The following RPL3 variants were observed in gnomAD, a reference collection of about 807,000 sequenced individuals.
The protein encoded by RPL3 is large ribosomal subunit protein uL3.
RPL3 carries 3 observed loss-of-function variants against 46.0 expected under a neutral mutation model. The ratio of observed to expected loss-of-function variants is 0.07; its 90% CI spans 0.03 to 0.17. RPL3 has a LOEUF of 0.17. Among genes scored for constraint, RPL3 ranks in the 10% least tolerant of loss-of-function variants. RPL3 has a pLI of 1.00. For synonymous variants in RPL3, 224 were observed against 190.8 expected (o/e 1.17, Z -1.43); for missense variants, 387 against 532.7 (o/e 0.73, Z 2.69).
rs764713284 is a variant in RPL3 at position 39,313,712 on chromosome 22, A to G, written c.969T>C (p.Tyr323=). Residue 323 remains tyrosine (Y), a synonymous_variant, in exon 8 of 10, where the codon TAT becomes TAC. Coordinates refer to ENST00000216146, the MANE Select transcript of RPL3 (RefSeq NM_000967.4). ...TGACAAAGTCATTGGTCACTTCACC[A>G]TAGTGGACAAAGCCACCCTGGAAAA... is the stretch of plus-strand genomic sequence containing the variant. The part of the protein sequence containing the change: ...SINPLGGFVH[Y]GEVTNDFVML... The G allele has an allele frequency of 6.2e-7, 1 of 1,614,084 alleles. No individual in the cohort carries two copies. Among genetic ancestry groups the G allele is most frequent in the Admixed American group, 1.7e-5 (1 of 60,038 alleles).
In RPL3 at chr22:39,316,731, A is replaced by C. The variant is rs751726139; in HGVS notation, c.476T>G (p.Val159Gly). The change falls in exon 4 of 10, where the codon GTC (valine) becomes GGC (glycine). Residue 159 changes from valine (V) to glycine (G), a missense_variant. By Grantham distance (109) the Val-to-Gly change is moderately radical. Coordinates refer to ENST00000216146, the MANE Select transcript of RPL3 (RefSeq NM_000967.4). ...CTGGGTGTGGGCAATGACACGGATGACTTGGCAGTACTTCTTCATGCTGCT... is the reference window on the plus strand; with the variant it reads ...CTGGGTGTGGGCAATGACACGGATGCCTTGGCAGTACTTCTTCATGCTGCT... ...DFSSMKKYCQ[V>G]IRVIAHTQMR... The C allele has an allele frequency of 1.2e-6, 2 of 1,612,668 alleles. No individual in the cohort carries two copies. The highest frequency in any genetic ancestry group is 1.7e-6 in the Non-Finnish European group (2 of 1,179,862).
At chr22:39,313,543 T>C in intron 8 of RPL3, 91 bp downstream of exon 8, 2 of 1,355,882 alleles carry the variant, frequency 1.5e-6, no homozygotes, top group East Asian at 2.3e-5. Context: ...CTCTCCTTCC[T>C]TTCCTCTCCC....
At chr22:39,318,896 G>C (rs1922870438) in intron 1 of RPL3, 2 of 461,576 alleles carry the variant, frequency 4.3e-6, no homozygotes, top group Non-Finnish European at 8.5e-6. Flanking sequence ...TTAACAGGCA[G>C]CTTTATATGC....
At chr22:39,314,301 G>T in intron 6 of RPL3, 93 bp from the exon 7 acceptor site, 1 of 1,087,192 alleles carries the variant, frequency 9.2e-7, no homozygotes, top group Non-Finnish European at 1.4e-6. Context: ...CTAGAAGGCA[G>T]CTGAGGCCTC....
intron 7 of RPL3, 85 bp from the exon 8 acceptor site, chr22:39,313,814 ACAGGGCTGTTCT>A: frequency 8.2e-7 from 1 of 1,225,336 alleles, no homozygotes; most frequent in Non-Finnish European, 1.2e-6. Flanking sequence ...CTCCCTGACC[ACAGGGCTGTTCT>A]CAGAAGGAAG....
At chr22:39,314,555 A>T in intron 6 of RPL3, 131 bp downstream of exon 6, 1 of 1,126,740 alleles carries the variant, frequency 8.9e-7, no homozygotes, top group South Asian at 1.5e-5. Context: ...ACTGACCATG[A>T]GAAGCAAGCC....
At chr22:39,314,435 C>G (rs1040414420) in intron 6 of RPL3, 6 of 626,138 alleles carry the variant, frequency 9.6e-6, no homozygotes, top group African/African-American at 9.2e-5. Context: ...TGTCACCCCC[C>G]TGGTGGTGGC....
In RPL3 at chr22:39,312,999, G is replaced by A. The variant is rs761554579; in HGVS notation, c.1168-15C>T. ...TTCAGTGGTCCCTGTGGGGAGAGAG[G>A]CAGTGGTCAGAGGTAGAAGATGACA... On this transcript the variant is annotated splice_polypyrimidine_tract_variant and intron_variant, in intron 9 of 9. Transcript: ENST00000216146. The A allele has an allele frequency of 2.5e-6, 4 of 1,614,038 alleles. No homozygotes were observed. The highest frequency in any genetic ancestry group is 3.4e-6 in the Non-Finnish European group (4 of 1,179,952).
chr22:39,315,638 T>A, intron 4 of RPL3, 83 bp from the exon 5 acceptor site: 1 of 1,523,474 alleles, frequency 6.6e-7, no homozygotes, highest in Non-Finnish European at 9.0e-7. Context: ...GCGGCCTGAT[T>A]GATGTCAAGC....
At position 39,317,506 on chromosome 22, in the gene RPL3, G is replaced by A. The variant is rs1454801137; in HGVS notation, c.320C>T (p.Ala107Val). The change falls in exon 3 of 10, where the codon GCT becomes GTT. Residue 107 changes from alanine (A) to valine (V), a missense_variant. Physicochemically the swap from Ala to Val is moderately conservative, Grantham distance 64. Coordinates refer to ENST00000216146, the MANE Select transcript of RPL3 (RefSeq NM_000967.4). The stretch of plus-strand genomic sequence containing the variant: ...CTTGCATTCATCACTGATGTGCTCA[G>A]CAAAGACAGTCTTGAAGGTCCGGAG... Reference protein sequence around the residue: ...RGLRTFKTVFAEHISDECKRR... With the variant: ...RGLRTFKTVFVEHISDECKRR... The A allele has an allele frequency of 8.7e-6, 14 of 1,613,958 alleles. No individual in the cohort carries two copies. Among genetic ancestry groups the A allele is most frequent in the Middle Eastern group, 1.7e-4 (1 of 6,054 alleles).
intron 4 of RPL3, among the ~76,000 whole-genome samples, chr22:39,316,334 T>C (rs1158585907): frequency 6.6e-6 from 1 of 151,918 alleles, no homozygotes; most frequent in Non-Finnish European, 1.5e-5. Context: ...TGCACTCTCA[T>C]CCGTGGTGGC....
At chr22:39,316,137 G>A (rs1485953528) in intron 4 of RPL3, among the ~76,000 whole-genome samples, 2 of 152,076 alleles carry the variant, frequency 1.3e-5, no homozygotes, top group African/African-American at 2.4e-5. Flanking sequence ...TACTCAGGAG[G>A]CTGAGGCAGG....
intron 2 of RPL3, 64 bp from the exon 3 acceptor site, chr22:39,317,693 G>A: frequency 6.3e-7 from 1 of 1,581,694 alleles, no homozygotes; most frequent in African/African-American, 1.4e-5. Flanking sequence ...ATGTTTTCTA[G>A]GAAAATGCAA....
At chr22:39,318,119 A>C (rs184694270) in intron 2 of RPL3, 5 of 434,432 alleles carry the variant, frequency 1.2e-5, no homozygotes, top group East Asian at 9.3e-5. Flanking sequence ...AACCCCCCAC[A>C]CTAGTGTTAA....
intron 4 of RPL3, 128 bp downstream of exon 4, chr22:39,316,578 A>G: frequency 8.3e-7 from 1 of 1,203,478 alleles, no homozygotes; most frequent in Non-Finnish European, 1.2e-6. Flanking sequence ...AAGGGCCAGT[A>G]AGGACACAGT....
At chr22:39,315,195 G>C (rs764694348) in intron 5 of RPL3, 174 bp downstream of exon 5, 12 of 1,009,852 alleles carry the variant, frequency 1.2e-5, no homozygotes, top group Non-Finnish European at 1.7e-5. Flanking sequence ...CGCTATCCCA[G>C]CCACTTCTGA....
At chr22:39,315,207 C>A in intron 5 of RPL3, 162 bp downstream of exon 5, 1 of 1,081,266 alleles carries the variant, frequency 9.2e-7, no homozygotes, top group Non-Finnish European at 1.4e-6. Context: ...CACTTCTGAC[C>A]ACAAGGCTGT....
chr22:39,313,501 T>G, intron 8 of RPL3, 133 bp downstream of exon 8: 1 of 1,251,740 alleles, frequency 8.0e-7, no homozygotes, highest in Non-Finnish European at 1.1e-6. Context: ...ATCTCAGGAC[T>G]TCAAAGCCAG....
Position 39,313,436 on chromosome 22 carries a change from G to C in RPL3, c.1048-126C>G, listed in dbSNP as rs906400749. 3 of 1,465,674 alleles carry C rather than the reference G, an allele frequency of 2.0e-6. No individual in the cohort carries two copies. The Admixed American group carries it at 5.6e-5, about 27-fold the overall frequency. 90.8% of individuals were successfully genotyped at this position (1,465,674 alleles called of 1,614,324 possible). On this transcript the variant is annotated intron_variant, in intron 8 of 9. Coordinates refer to ENST00000216146, the MANE Select transcript of RPL3 (RefSeq NM_000967.4). ...CAGCCTCCCCCACCATCCGGCAGATGAGGACACACTCAAAGCAGCAAACAG... is the reference window on the plus strand; with the variant it reads ...CAGCCTCCCCCACCATCCGGCAGATCAGGACACACTCAAAGCAGCAAACAG...
Sources: gnomAD v4.1 joint callset for allele counts (sites outside exome capture counted in the v4.1 genomes callset) on GRCh38, gnomAD v4.1.1 for gene constraint, MANE v1.5 for transcripts, NCBI Gene and HGNC (gene_info 2026-07-23, HGNC 2026-07-21) for gene names.